Variants in ACOXL observed in about 807,000 individuals in gnomAD.
The protein encoded by ACOXL is acyl-CoA oxidase like, also known as acyl-coenzyme A oxidase-like protein.
ACOXL carries 70 observed loss-of-function variants against 71.9 expected under a neutral mutation model. That is an observed-to-expected ratio of 0.97 (90% confidence interval 0.80 to 1.19). ACOXL has a LOEUF of 1.19. ACOXL is among the 50% of genes most tolerant of loss of function. The probability of loss-of-function intolerance (pLI) is 0.00; values close to 1 mark genes in which losing one functional copy is unlikely to be tolerated. For synonymous variants in ACOXL, 253 were observed against 281.6 expected (o/e 0.90, Z 1.02); for missense variants, 703 against 736.3 (o/e 0.95, Z 0.52).
At chr2:111,094,932 G>T (rs940478609) in intron 17 of ACOXL, among the ~76,000 whole-genome samples, 2 of 152,158 alleles carry the variant, frequency 1.3e-5, no homozygotes, top group Admixed American at 6.5e-5. Context: ...GGTAGTTTCA[G>T]GGTGGTCGAA....
At chr2:110,739,182 A>G (rs1232306051) in intron 1 of ACOXL, among the ~76,000 whole-genome samples, 1 of 152,246 alleles carries the variant, frequency 6.6e-6, no homozygotes, top group Non-Finnish European at 1.5e-5. Context: ...AAATGTGAAT[A>G]GAAGGCTGGT....
intron 3 of ACOXL, among the ~76,000 whole-genome samples, chr2:110,790,408 C>T (rs1211477225): frequency 1.3e-5 from 2 of 152,096 alleles, no homozygotes; most frequent in Admixed American, 6.5e-5. Context: ...AGCTGTCTCA[C>T]ACTGTGGCCT....
intron 10 of ACOXL, among the ~76,000 whole-genome samples, chr2:110,858,250 C>T (rs1331657440): frequency 6.6e-6 from 1 of 152,066 alleles, no homozygotes; most frequent in African/African-American, 2.4e-5. Flanking sequence ...GAGTTTTCTC[C>T]AAAGCTTTTG....
chr2:110,986,506 C>T (rs984112421), intron 12 of ACOXL, among the ~76,000 whole-genome samples: 4 of 152,132 alleles, frequency 2.6e-5, no homozygotes, highest in African/African-American at 7.2e-5. Flanking sequence ...AGTGGAGGCA[C>T]GCTGGTCCAA....
At position 110,805,391 on chromosome 2, in the gene ACOXL, T is replaced by C. The variant is rs1475003086; in HGVS notation, c.749T>C (p.Met250Thr). The C allele has an allele frequency of 1.2e-6, 2 of 1,614,196 alleles. No homozygotes were observed. Among genetic ancestry groups the C allele is most frequent in the East Asian group, 2.2e-5 (1 of 44,880 alleles). ...GTGGCTTTCCAAGCTATGGGTGCCA[T>C]GAAGGTAATTGACTCTGATTTTAAC... Reference protein sequence around the residue: ...LAVAFQAMGAMKLGLTIAIRY... With the variant: ...LAVAFQAMGATKLGLTIAIRY... The change falls in exon 9 of 18, where the codon ATG becomes ACG. Residue 250 changes from methionine (M) to threonine (T), a missense_variant. By Grantham distance (81) the Met-to-Thr change is moderately conservative. Transcript: ENST00000439055.
At chr2:110,925,853 CTTTTT>C (rs59794309) in intron 11 of ACOXL, among the ~76,000 whole-genome samples, 6 of 121,022 alleles carry the variant, frequency 5.0e-5, no homozygotes, top group Non-Finnish European at 8.3e-5. Flanking sequence ...TTACTTCTAG[CTTTTT>C]TTTTTTTTTT....
chr2:110,739,539 T>C (rs1677252576), intron 1 of ACOXL, among the ~76,000 whole-genome samples: 1 of 152,246 alleles, frequency 6.6e-6, no homozygotes, highest in African/African-American at 2.4e-5. Flanking sequence ...CCCCACATGA[T>C]TGGCTGCACC....
At chr2:111,010,313 G>A (rs1374755282) in intron 14 of ACOXL, among the ~76,000 whole-genome samples, 1 of 152,032 alleles carries the variant, frequency 6.6e-6, no homozygotes, top group East Asian at 1.9e-4. Flanking sequence ...AAATACAATA[G>A]TATTAATAAA....
chr2:110,779,350 T>G (rs1393694234), intron 2 of ACOXL, among the ~76,000 whole-genome samples: 1 of 152,214 alleles, frequency 6.6e-6, no homozygotes, highest in Non-Finnish European at 1.5e-5. Flanking sequence ...GGTTAGATTT[T>G]CTTGCAGTGG....
intron 15 of ACOXL, 133 bp from the exon 16 acceptor site, chr2:111,049,085 C>G (rs1029110472): frequency 1.4e-5 from 10 of 721,108 alleles, no homozygotes; most frequent in East Asian, 2.7e-5. Flanking sequence ...AGTTGGGGAG[C>G]TCTGCCATGT....
At chr2:110,922,861 G>T (rs2060130396) in intron 11 of ACOXL, among the ~76,000 whole-genome samples, 1 of 152,180 alleles carries the variant, frequency 6.6e-6, no homozygotes, top group Non-Finnish European at 1.5e-5. Context: ...ATGCCGCATT[G>T]AACAGGACAG....
rs372970317 is a variant in ACOXL, at chr2:110,820,805, A to G, written c.753+15410A>G. ...TTGGCCCAGATTTGGAAATTCACCA[A>G]TTGGGTTGCAGAAGGACAGGATGTG... On this transcript the variant is annotated intron_variant, in intron 9 of 17. Coordinates refer to ENST00000439055, the MANE Select transcript of ACOXL (RefSeq NM_001142807.4). 1.8e-4 allele frequency among the ~76,000 whole-genome samples: 28 copies of G among 152,280 alleles called. No individual in the cohort carries two copies. The East Asian group carries it at 2.1e-3, about 12-fold the overall frequency.
intron 9 of ACOXL, among the ~76,000 whole-genome samples, chr2:110,833,182 C>G (rs1690048887): frequency 6.6e-6 from 1 of 152,202 alleles, no homozygotes; most frequent in Non-Finnish European, 1.5e-5. Context: ...TATCTTTCAA[C>G]AGGTGAAAGG....
chr2:110,903,164 G>A (rs569637150), intron 10 of ACOXL, among the ~76,000 whole-genome samples: 243 of 152,358 alleles, frequency 1.6e-3, no homozygotes, highest in Non-Finnish European at 2.7e-3. Flanking sequence ...GGAAACATGG[G>A]AAGTAATTAT....
chr2:110,918,623 A>G (rs1178339952), intron 11 of ACOXL, among the ~76,000 whole-genome samples: 1 of 152,256 alleles, frequency 6.6e-6, no homozygotes, highest in Non-Finnish European at 1.5e-5. Context: ...GGCAACCTAT[A>G]TAATGAGAGA....
At chr2:110,768,266 C>T in intron 1 of ACOXL, 102 bp from the exon 2 acceptor site, 1 of 860,790 alleles carries the variant, frequency 1.2e-6, no homozygotes, top group Non-Finnish European at 1.9e-6. Context: ...ACAAGCATTA[C>T]AATGGACACA....
intron 1 of ACOXL, among the ~76,000 whole-genome samples, chr2:110,750,743 C>G (rs1429904272): frequency 6.6e-6 from 1 of 151,430 alleles, no homozygotes; most frequent in African/African-American, 2.4e-5. Context: ...GTTGCTCAGG[C>G]TGGAGTGCAG....
intron 12 of ACOXL, among the ~76,000 whole-genome samples, chr2:110,961,605 T>C (rs1024330906): frequency 3.3e-5 from 5 of 152,226 alleles, no homozygotes; most frequent in Admixed American, 3.3e-4. Flanking sequence ...TTTGAGTGTT[T>C]TGCATCTGAA....
At chr2:111,066,893 C>T (rs1332418350) in intron 16 of ACOXL, among the ~76,000 whole-genome samples, 1 of 152,076 alleles carries the variant, frequency 6.6e-6, no homozygotes, top group African/African-American at 2.4e-5. Context: ...TAAAACAAGA[C>T]ACAACTATAG....
Sources: allele counts gnomAD v4.1 joint callset (sites outside exome capture counted in the v4.1 genomes callset), GRCh38; gene constraint gnomAD v4.1.1; transcripts MANE v1.5; gene names NCBI Gene and HGNC (gene_info 2026-07-23, HGNC 2026-07-21).